MAP3K2: variants seen among roughly 807,000 people sequenced by gnomAD.
MAP3K2 encodes the protein MAP/ERK kinase kinase 2.
In MAP3K2, 24 loss-of-function variants were observed where a neutral mutation model predicts 80.3. The observed-to-expected ratio is 0.30, with a 90% CI of 0.22 to 0.42. MAP3K2 has a LOEUF of 0.42. MAP3K2 is among the 10% of genes least tolerant of loss of function. The pLI, the probability that MAP3K2 is intolerant of heterozygous loss-of-function variation, is 1.00. For synonymous variants in MAP3K2, 244 were observed against 253.7 expected (o/e 0.96, Z 0.36); for missense variants, 608 against 750.1 (o/e 0.81, Z 2.21).
At position 127,337,176 on chromosome 2, in the gene MAP3K2, T is replaced by C. The variant is rs1261202063; in HGVS notation, c.164+562A>G. ...AAATTCTATCGGCCTTAATTCCTATTAGGTCTTGTTAGCAATTTTGTTGTC... is the reference window on the plus strand; with the variant it reads ...AAATTCTATCGGCCTTAATTCCTATCAGGTCTTGTTAGCAATTTTGTTGTC... On this transcript the variant is annotated intron_variant, in intron 4 of 16. Coordinates refer to ENST00000682094, the MANE Select transcript of MAP3K2 (RefSeq NM_001371910.2). Among the ~76,000 whole-genome samples, 3 of 152,198 alleles carry C rather than the reference T, an allele frequency of 2.0e-5. No homozygotes were observed. In the East Asian group the frequency reaches 5.8e-4, roughly 29 times the overall value.
intron 1 of MAP3K2, among the ~76,000 whole-genome samples, chr2:127,351,351 T>C (rs1327365100): frequency 2.0e-5 from 3 of 152,150 alleles, no homozygotes; most frequent in East Asian, 3.8e-4. Flanking sequence ...TGGGACCTCA[T>C]GTTAGCAAGT....
chr2:127,343,449 T>C (rs1686538326), intron 1 of MAP3K2, among the ~76,000 whole-genome samples: 1 of 152,124 alleles, frequency 6.6e-6, no homozygotes, highest in South Asian at 2.1e-4. Context: ...GTACAAACCA[T>C]TATCAGTTGG....
rs369088747 is a variant in MAP3K2 at position 127,317,655 on chromosome 2, A to C, written c.1300T>G (p.Ser434Ala). ...CLRDPQEKTL[S>A]IFMEYMPGGS... ...CCTGGCATATATTCCATAAATATGG[A>C]AAGTGTTTTTTCCTGGGGATCCCTC... The change falls in exon 14 of 17, where the codon TCC becomes GCC. Residue 434 changes from serine (S) to alanine (A), a missense_variant. Ser to Ala is a moderately conservative substitution (Grantham distance 99). Coordinates refer to ENST00000682094, the MANE Select transcript of MAP3K2 (RefSeq NM_001371910.2). The C allele has an allele frequency of 3.2e-6, 5 of 1,582,160 alleles. No homozygotes were observed. The highest frequency in any genetic ancestry group is 4.3e-6 in the Non-Finnish European group (5 of 1,162,564).
intron 1 of MAP3K2, among the ~76,000 whole-genome samples, chr2:127,354,575 T>G (rs1686765236): frequency 6.6e-6 from 1 of 152,112 alleles, no homozygotes; most frequent in Admixed American, 6.6e-5. Flanking sequence ...CTAAACTAAA[T>G]GCTACCCTGG....
chr2:127,360,571 G>A (rs72846002), intron 1 of MAP3K2, among the ~76,000 whole-genome samples: 36,755 of 151,998 alleles, frequency 0.24, 4,672 homozygotes, highest in Middle Eastern at 0.31. Flanking sequence ...TACTTCAAAT[G>A]TGCAGTTTAT....
At chr2:127,380,527 C>T (rs1481334113) in intron 1 of MAP3K2, among the ~76,000 whole-genome samples, 1 of 152,052 alleles carries the variant, frequency 6.6e-6, no homozygotes, top group African/African-American at 2.4e-5. Flanking sequence ...GTAAGAAAAC[C>T]AGTAAGCTAG....
chr2:127,330,298 T>C (rs1175639981), intron 6 of MAP3K2, 94 bp downstream of exon 6: 1 of 625,248 alleles, frequency 1.6e-6, no homozygotes, highest in African/African-American at 1.9e-5. Context: ...ATGAAAATAT[T>C]GCAATGATTA....
chr2:127,344,742 T>C (rs746252891), intron 1 of MAP3K2, among the ~76,000 whole-genome samples: 1 of 152,232 alleles, frequency 6.6e-6, no homozygotes, highest in Non-Finnish European at 1.5e-5. Context: ...ATTTCATGTT[T>C]AGACTTGGGT....
intron 1 of MAP3K2, among the ~76,000 whole-genome samples, chr2:127,379,493 C>T (rs183706649): frequency 1.3e-5 from 2 of 152,152 alleles, no homozygotes; most frequent in Admixed American, 6.5e-5. Flanking sequence ...CTATTCACTA[C>T]CTTTATTTTC....
Position 127,307,720 on chromosome 2 carries a change from G to A in MAP3K2, c.1719C>T (p.Ile573=), listed in dbSNP as rs370326650. ...EFEAMAAIFK[I]ATQPTNPKLP... ...GCTTTGGGTTTGTTGGCTGAGTGGC[G>A]ATTTTAAAGATGGCAGCCATTGCTT... The change falls in exon 17 of 17, where the codon ATC becomes ATT. Residue 573 remains isoleucine (I), a synonymous_variant. Coordinates refer to ENST00000682094, the MANE Select transcript of MAP3K2 (RefSeq NM_001371910.2). This position sits in a 1 kb window ranked among gnomAD's most constrained non-coding sequence, Gnocchi z 5.4. 11 of 1,597,000 alleles carry A rather than the reference G, an allele frequency of 6.9e-6. No homozygotes were observed. Among genetic ancestry groups the A allele is most frequent in the Non-Finnish European group, 8.5e-6 (10 of 1,171,212 alleles).
intron 1 of MAP3K2, among the ~76,000 whole-genome samples, chr2:127,349,113 A>G (rs775742467): frequency 6.6e-5 from 10 of 152,262 alleles, no homozygotes; most frequent in Non-Finnish European, 1.3e-4. Context: ...AAATGTAAAA[A>G]TTATTAACAC....
chr2:127,357,196 A>C (rs1007450731), intron 1 of MAP3K2, among the ~76,000 whole-genome samples: 1 of 152,268 alleles, frequency 6.6e-6, no homozygotes, highest in Non-Finnish European at 1.5e-5. Flanking sequence ...TCGGACCAGA[A>C]GACTCAATGT....
chr2:127,332,121 CTGTT>C (rs1358644222), intron 5 of MAP3K2, among the ~76,000 whole-genome samples: 2 of 152,138 alleles, frequency 1.3e-5, no homozygotes, highest in Non-Finnish European at 2.9e-5. Flanking sequence ...CAATTATTAA[CTGTT>C]TGGTATCATA....
Position 127,305,869 on chromosome 2 carries a change from C to G in MAP3K2, c.*1710G>C, listed in dbSNP as rs1213639164. ...CCTTGCTCTTATTGGATACATTGTA[C>G]TAGAAATACGTGGCAGCTTTTTAAC... On this transcript the variant is annotated 3_prime_UTR_variant, in exon 17 of 17. Transcript: ENST00000682094. 1 of 151,254 alleles carries G rather than the reference C, an allele frequency of 6.6e-6. No individual in the cohort carries two copies. The highest frequency in any genetic ancestry group is 1.9e-4 in the East Asian group (1 of 5,172). 9.4% of individuals were successfully genotyped at this position (151,254 alleles called of 1,614,324 possible).
chr2:127,355,470 A>G (rs1440754476), intron 1 of MAP3K2, among the ~76,000 whole-genome samples: 1 of 152,192 alleles, frequency 6.6e-6, no homozygotes, highest in Non-Finnish European at 1.5e-5. Flanking sequence ...TTATGTTTAC[A>G]ATGTGTAGTC....
Position 127,302,508 on chromosome 2 carries a change from A to T in MAP3K2, c.*5071T>A, listed in dbSNP as rs1345750258. The stretch of plus-strand genomic sequence containing the variant: ...ACATGCACACATGCACACACTTCAC[A>T]GAAAAGTAACTTTTCTGTGAGTATT... On this transcript the variant is annotated 3_prime_UTR_variant, in exon 17 of 17. Coordinates refer to ENST00000682094, the MANE Select transcript of MAP3K2 (RefSeq NM_001371910.2). The T allele has an allele frequency of 6.6e-6, 1 of 152,046 alleles. No homozygotes were observed. The highest frequency in any genetic ancestry group is 6.6e-5 in the Admixed American group (1 of 15,244). 9.4% of individuals were successfully genotyped at this position (152,046 alleles called of 1,614,324 possible). A position where few individuals can be genotyped will look rare whatever the true frequency, so the allele number is the denominator to read the frequency against.
Position 127,355,291 on chromosome 2 carries a change from T to C in MAP3K2, c.-65-12097A>G, listed in dbSNP as rs138094659. 2.6e-4 allele frequency among the ~76,000 whole-genome samples: 39 copies of C among 152,090 alleles called. 2 individuals are homozygous for C. In the East Asian group the frequency reaches 7.5e-3, roughly 29 times the overall value. ...CACATTATACACACAGAAATAGCAA[T>C]AGGATGACAGCAGACTTTCTCATCA... On this transcript the variant is annotated intron_variant, in intron 1 of 16. Transcript: ENST00000682094.
At chr2:127,371,273 G>A (rs531154985) in intron 1 of MAP3K2, among the ~76,000 whole-genome samples, 13 of 152,258 alleles carry the variant, frequency 8.5e-5, no homozygotes, top group East Asian at 3.9e-4. Flanking sequence ...CAACCAGAAC[G>A]AGGTGGCCGT....
chr2:127,384,769 C>CT (rs1487386535), intron 1 of MAP3K2, among the ~76,000 whole-genome samples: 2 of 151,994 alleles, frequency 1.3e-5, no homozygotes, highest in Non-Finnish European at 2.9e-5. Context: ...CTCAAGCACT[C>CT]TCCCTGCTTC....
Sources: allele counts gnomAD v4.1 joint callset (sites outside exome capture counted in the v4.1 genomes callset), GRCh38; gene constraint gnomAD v4.1.1; non-coding constraint Gnocchi (gnomAD v3.1); transcripts MANE v1.5; gene names NCBI Gene and HGNC (gene_info 2026-07-23, HGNC 2026-07-21).